The following ENOX1 variants were observed in gnomAD, a reference collection of about 807,000 sequenced individuals.
ENOX1 encodes ecto-NOX disulfide-thiol exchanger 1.
A neutral mutation model predicts 82.5 loss-of-function variants in ENOX1; 42 were observed. The observed-to-expected ratio is 0.51, with a 90% confidence interval of 0.40 to 0.66. The LOEUF (loss-of-function observed/expected upper bound fraction) is 0.66, where lower values mean the gene tolerates loss of function less well. ENOX1 is among the 30% of genes least tolerant of loss of function. The pLI, the probability that ENOX1 is intolerant of heterozygous loss-of-function variation, is 0.00. For synonymous variants in ENOX1, 271 were observed against 282.2 expected, an observed-to-expected ratio of 0.96 and a Z score of 0.40; for missense variants, 608 against 811.6, an observed-to-expected ratio of 0.75 and a Z score of 3.05.
intron 3 of ENOX1, among the ~76,000 whole-genome samples, chr13:43,432,807 GTTTA>G (rs1334163616): frequency 1.3e-5 from 2 of 150,670 alleles, no homozygotes; most frequent in Non-Finnish European, 2.9e-5. Context: ...AAGTTTTTTT[GTTTA>G]TTTATTTCTT....
At chr13:43,764,853 C>T (rs1951179701) in intron 1 of ENOX1, among the ~76,000 whole-genome samples, 1 of 152,198 alleles carries the variant, frequency 6.6e-6, no homozygotes, top group African/African-American at 2.4e-5. Context: ...ACACTGTCTC[C>T]TTCAAAATAA....
chr13:43,460,703 A>G (rs1031376112), intron 3 of ENOX1, among the ~76,000 whole-genome samples: 12 of 147,654 alleles, frequency 8.1e-5, no homozygotes, highest in African/African-American at 3.0e-4. Context: ...CTGAGGCAGG[A>G]GAATGGCGTG....
In ENOX1 at chr13:43,213,964, T is replaced by A; in HGVS notation, c.*26A>T. 1 of 1,608,798 alleles carries A rather than the reference T, an allele frequency of 6.2e-7. No individual in the cohort carries two copies. The highest frequency in any genetic ancestry group is 1.1e-5 in the South Asian group (1 of 90,374). ...CCTGGCCAGGTTCACATGGTTTCAT[T>A]TCCAGAGATGCTTTGCTCTTCGCAG... On this transcript the variant is annotated 3_prime_UTR_variant, in exon 17 of 17. Transcript: ENST00000690772.
chr13:43,580,931 C>CT (rs1162627822), intron 2 of ENOX1, among the ~76,000 whole-genome samples: 1 of 151,972 alleles, frequency 6.6e-6, no homozygotes, highest in Non-Finnish European at 1.5e-5. Flanking sequence ...ATAGTTTGTC[C>CT]TTTAGGAGAT....
intron 6 of ENOX1, among the ~76,000 whole-genome samples, chr13:43,360,362 G>GA (rs139234345): frequency 0.036 from 5,483 of 152,142 alleles, 365 homozygotes; most frequent in African/African-American, 0.13. Context: ...AAAAGGGAGG[G>GA]AAAAAACTTC....
intron 9 of ENOX1, among the ~76,000 whole-genome samples, chr13:43,337,581 G>A (rs1196384142): frequency 6.6e-6 from 1 of 152,128 alleles, no homozygotes; most frequent in Admixed American, 6.5e-5. Context: ...AACAGCACAA[G>A]CAAATGTGTG....
rs975845721 is a variant in ENOX1 at position 43,338,779 on chromosome 13, A to G, written c.1036+5759T>C. 4.0e-3 allele frequency among the ~76,000 whole-genome samples: 532 copies of G among 134,010 alleles called. 2 individuals are homozygous for G. Among genetic ancestry groups the G allele is most frequent in the African/African-American group, 0.014 (495 of 35,852 alleles). The allele number at this position is 134,010 out of a possible 152,430, so 87.9% of individuals were successfully genotyped here. A position where few individuals can be genotyped will look rare whatever the true frequency, so the allele number is the denominator to read the frequency against. ...CGGCTCACTGCAAGCTCTGTCTCCC[A>G]GGTTCACGCCATTCTCCTGCCTCAG... is the stretch of plus-strand genomic sequence containing the variant. On this transcript the variant is annotated intron_variant, in intron 9 of 16. Transcript: ENST00000690772.
intron 2 of ENOX1, among the ~76,000 whole-genome samples, chr13:43,595,995 T>C (rs2081454424): frequency 1.3e-5 from 2 of 152,190 alleles, no homozygotes; most frequent in South Asian, 4.1e-4. Context: ...TAACGCATCA[T>C]ATGGAAAGGC....
At chr13:43,311,639 A>T (rs1343799159) in intron 11 of ENOX1, among the ~76,000 whole-genome samples, 1 of 152,166 alleles carries the variant, frequency 6.6e-6, no homozygotes, top group Non-Finnish European at 1.5e-5. Flanking sequence ...AGCCGAACTG[A>T]TGTTATGCTA....
At chr13:43,654,994 A>C (rs989267010) in intron 2 of ENOX1, among the ~76,000 whole-genome samples, 1 of 152,152 alleles carries the variant, frequency 6.6e-6, no homozygotes, top group African/African-American at 2.4e-5. Flanking sequence ...AGTATCTCAC[A>C]GTATTTGCTG....
In ENOX1 at chr13:43,650,658, G is replaced by T. The variant is rs925324522; in HGVS notation, c.-219+16821C>A. ...GTTCGAGACCATCCTGGGCAACATG[G>T]TGAAACCCGTCTCTACTAAAAACAC... On this transcript the variant is annotated intron_variant, in intron 2 of 16. Coordinates refer to ENST00000690772, the MANE Select transcript of ENOX1 (RefSeq NM_001347969.2). 2.8e-3 allele frequency among the ~76,000 whole-genome samples: 7 copies of T among 2,496 alleles called. No individual in the cohort carries two copies. The Non-Finnish European group carries it at 0.087, about 31-fold the overall frequency. The allele number at this position is 2,496 out of a possible 152,430, so 1.6% of individuals were successfully genotyped here. A position where few individuals can be genotyped will look rare whatever the true frequency, so the allele number is the denominator to read the frequency against.
chr13:43,427,057 AC>A (rs1408901274), intron 3 of ENOX1, among the ~76,000 whole-genome samples: 1 of 152,190 alleles, frequency 6.6e-6, no homozygotes, highest in Non-Finnish European at 1.5e-5. Flanking sequence ...ATGCAATGAC[AC>A]AGTTCTCTTC....
intron 1 of ENOX1, among the ~76,000 whole-genome samples, chr13:43,751,040 C>T (rs1355193065): frequency 6.6e-6 from 1 of 152,152 alleles, no homozygotes; most frequent in Non-Finnish European, 1.5e-5. Context: ...CTGGTTTGGA[C>T]CTTACCTACC....
intron 1 of ENOX1, among the ~76,000 whole-genome samples, chr13:43,708,257 T>C (rs2087452739): frequency 6.6e-6 from 1 of 152,198 alleles, no homozygotes; most frequent in African/African-American, 2.4e-5. Context: ...ACATTGGGCA[T>C]GCAGCCCCTC....
At chr13:43,670,463 C>T (rs1172733822) in intron 1 of ENOX1, among the ~76,000 whole-genome samples, 1 of 152,098 alleles carries the variant, frequency 6.6e-6, no homozygotes, top group Admixed American at 6.6e-5. Context: ...AAATAGAGTA[C>T]ATATTCCCAA....
intron 2 of ENOX1, among the ~76,000 whole-genome samples, chr13:43,573,834 G>C (rs553029707): frequency 9.9e-5 from 15 of 152,172 alleles, no homozygotes; most frequent in Non-Finnish European, 1.9e-4. Flanking sequence ...ATAAAAGTTT[G>C]AGGAGTTCAC....
intron 2 of ENOX1, among the ~76,000 whole-genome samples, chr13:43,525,810 AT>A (rs1024293977): frequency 6.6e-6 from 1 of 152,056 alleles, no homozygotes; most frequent in African/African-American, 2.4e-5. Context: ...TCCTTTGCCC[AT>A]TTTTTAATCA....
intron 11 of ENOX1, among the ~76,000 whole-genome samples, chr13:43,309,397 T>A (rs1383259168): frequency 6.6e-6 from 1 of 152,048 alleles, no homozygotes; most frequent in Non-Finnish European, 1.5e-5. Flanking sequence ...CTCATAGAGG[T>A]CCCTTTCTCA....
intron 5 of ENOX1, among the ~76,000 whole-genome samples, chr13:43,375,098 T>C (rs2051525779): frequency 6.6e-6 from 1 of 152,150 alleles, no homozygotes. Flanking sequence ...TAAATTATAG[T>C]CAGCATTTTT....
Sources: allele counts gnomAD v4.1 joint callset (sites outside exome capture counted in the v4.1 genomes callset), GRCh38; gene constraint gnomAD v4.1.1; transcripts MANE v1.5; gene names NCBI Gene and HGNC (gene_info 2026-07-23, HGNC 2026-07-21).